CHD9: variants seen among roughly 807,000 people sequenced by gnomAD.
CHD9 encodes ATP-dependent chromatin remodeler CHD9.
CHD9 carries 77 observed loss-of-function variants against 316.1 expected under a neutral mutation model. The ratio of observed to expected loss-of-function variants is 0.24; its 90% CI spans 0.20 to 0.29. The LOEUF (loss-of-function observed/expected upper bound fraction) is 0.29, where lower values mean the gene tolerates loss of function less well. CHD9 is among the 10% of genes least tolerant of loss of function. The probability of loss-of-function intolerance (pLI) is 1.00; values close to 1 mark genes in which losing one functional copy is unlikely to be tolerated. For synonymous variants in CHD9, 1,129 were observed against 1,158.3 expected, an observed-to-expected ratio of 0.97 and a Z score of 0.51; for missense variants, 2,763 against 3,438.1, an observed-to-expected ratio of 0.80 and a Z score of 4.91.
At chr16:53,235,963 C>G (rs981923170) in intron 11 of CHD9, among the ~76,000 whole-genome samples, 2 of 152,002 alleles carry the variant, frequency 1.3e-5, no homozygotes, top group Admixed American at 6.6e-5. Context: ...TTTGATGATA[C>G]TTTTATTCAG....
intron 37 of CHD9, among the ~76,000 whole-genome samples, chr16:53,320,347 C>A (rs893042183): frequency 1.3e-5 from 2 of 152,006 alleles, no homozygotes; most frequent in Non-Finnish European, 2.9e-5. Context: ...CATGGTGAAA[C>A]CCTGTCTCTT....
At position 53,263,013 on chromosome 16, in the gene CHD9, G is replaced by A; in HGVS notation, c.4236G>A (p.Arg1412=). 7 of 1,612,588 alleles carry A rather than the reference G, an allele frequency of 4.3e-6. No individual in the cohort carries two copies. Among genetic ancestry groups the A allele is most frequent in the Non-Finnish European group, 5.9e-6 (7 of 1,179,086 alleles). The change falls in exon 20 of 39, where the codon CGG becomes CGA. Residue 1412 remains arginine (R), a synonymous_variant. Coordinates refer to ENST00000447540, the MANE Select transcript of CHD9 (RefSeq NM_001308319.2). The stretch of plus-strand genomic sequence containing the variant: ...CGAGTTTTGTGGCATCTGGAAACCG[G>A]ACAGATATTTCTTTAGATGATCCCA... The part of the protein sequence containing the change: ...AKASFVASGN[R]TDISLDDPNF...
Position 53,273,697 on chromosome 16 carries a change from C to G in CHD9, c.4789C>G (p.Gln1597Glu). 6.2e-7 allele frequency: 1 copy of G among 1,613,320 alleles called. No individual in the cohort carries two copies. The highest frequency in any genetic ancestry group is 8.5e-7 in the Non-Finnish European group (1 of 1,179,532). Residue 1597 changes from glutamine to glutamate, a missense_variant, in exon 23 of 39, where the codon CAA (glutamine) becomes GAA (glutamate). Gln to Glu is a conservative substitution (Grantham distance 29). This residue lies in a region of CHD9 where 99 missense variants were observed against 131.6 expected (regional missense o/e 0.75). Transcript: ENST00000447540. ...VKTQTSSFDIQKAEWLRKYNP... is the reference protein window; with the variant it reads ...VKTQTSSFDIEKAEWLRKYNP... ...AACTCAAACAAGCTCATTTGATATA[C>G]AAAAAGCAGAATGGCTTCGAAAATA...
Position 53,157,043 on chromosome 16 carries a change from G to A in CHD9, c.954G>A (p.Lys318=), listed in dbSNP as rs61759475. The change falls in exon 2 of 39, where the codon AAG becomes AAA. Residue 318 remains lysine (K), a synonymous_variant. Coordinates refer to ENST00000447540, the MANE Select transcript of CHD9 (RefSeq NM_001308319.2). ...SNSFSPHRGI[K]QESTQHILNP... The stretch of plus-strand genomic sequence containing the variant: ...CCTTTTCACCTCATAGAGGAATCAA[G>A]CAAGAATCTACTCAGCATATCCTAA... 1,945 of 1,612,832 alleles carry A rather than the reference G, an allele frequency of 1.2e-3. 1 individual carries two copies. The highest frequency in any genetic ancestry group is 1.5e-3 in the Non-Finnish European group (1,766 of 1,179,724).
chr16:53,306,428 C>A (rs138135408), intron 32 of CHD9, 31 bp downstream of exon 32: 6 of 1,522,398 alleles, frequency 3.9e-6, no homozygotes, highest in East Asian at 2.4e-5. Context: ...TGGGATAGGT[C>A]ATTTTTTAGT....
intron 1 of CHD9, among the ~76,000 whole-genome samples, chr16:53,142,974 C>G (rs1003983426): frequency 2.6e-5 from 4 of 152,130 alleles, no homozygotes; most frequent in Non-Finnish European, 5.9e-5. Context: ...TAGTAGAAAG[C>G]AGAGGGGCAA....
Position 53,265,407 on chromosome 16 carries a change from A to G in CHD9, c.4321-1887A>G, listed in dbSNP as rs557328762. Among the ~76,000 whole-genome samples the G allele has an allele frequency of 3.3e-5, 5 of 152,294 alleles. No individual in the cohort carries two copies. The South Asian group carries it at 1.0e-3, about 32-fold the overall frequency. On this transcript the variant is annotated intron_variant, in intron 20 of 38. Transcript: ENST00000447540. ...GACATCAAGAACCTTTCTTTAAAAA[A>G]TTAAATTAGTTTAAAAAAATAAAAT...
chr16:53,139,173 T>C (rs2039923635), intron 1 of CHD9, among the ~76,000 whole-genome samples: 1 of 152,144 alleles, frequency 6.6e-6, no homozygotes, highest in Non-Finnish European at 1.5e-5. Flanking sequence ...ATTTAGTGAA[T>C]TTCAGCAGGA....
In CHD9 at chr16:53,193,945, ACTGTTG is replaced by A. The variant is rs1325657092; in HGVS notation, c.1453-15536_1453-15531del. On this transcript the variant is annotated intron_variant, in intron 2 of 38. Coordinates refer to ENST00000447540, the MANE Select transcript of CHD9 (RefSeq NM_001308319.2). ...ATATTACTGTTATAAAACAAATATT[ACTGTTG>A]TAAAATTACGTAGAGTAAAAGTGAT... 5.9e-5 allele frequency among the ~76,000 whole-genome samples: 9 copies of A among 152,352 alleles called. No homozygotes were observed. The East Asian group carries it at 1.7e-3, about 29-fold the overall frequency.
In CHD9 at chr16:53,245,278, G is replaced by A; in HGVS notation, c.3055-58G>A. The A allele has an allele frequency of 7.6e-7, 1 of 1,320,646 alleles. No individual in the cohort carries two copies. The highest frequency in any genetic ancestry group is 1.0e-6 in the Non-Finnish European group (1 of 995,586). 81.8% of individuals were successfully genotyped at this position (1,320,646 alleles called of 1,614,324 possible). On this transcript the variant is annotated intron_variant, in intron 13 of 38. Coordinates refer to ENST00000447540, the MANE Select transcript of CHD9 (RefSeq NM_001308319.2). This position sits in a 1 kb window ranked among gnomAD's most constrained non-coding sequence, Gnocchi z 4.1. Reference sequence around the variant, plus strand: ...ATTGATCATTCGATAATCTAAGTCAGCTTTCATATAATTTTAGTACTGTGA... The same window carrying A: ...ATTGATCATTCGATAATCTAAGTCAACTTTCATATAATTTTAGTACTGTGA...
intron 1 of CHD9, among the ~76,000 whole-genome samples, chr16:53,133,173 A>G (rs2039457989): frequency 6.6e-6 from 1 of 152,110 alleles, no homozygotes; most frequent in African/African-American, 2.4e-5. Context: ...ATTCCTGAAC[A>G]GTTTCAGGTA....
rs2049472920 is a variant in CHD9, at chr16:53,245,204, A to G, written c.3055-132A>G. On this transcript the variant is annotated intron_variant, in intron 13 of 38. Transcript: ENST00000447540. The surrounding 1 kb of genome is among the most constrained non-coding windows in gnomAD (Gnocchi z 4.1). ...AACAAATATATATATATACACACAC[A>G]CACACATAACATATATATATGTATA... is the stretch of plus-strand genomic sequence containing the variant. The G allele has an allele frequency of 1.7e-6, 1 of 596,164 alleles. No individual in the cohort carries two copies. Among genetic ancestry groups the G allele is most frequent in the East Asian group, 3.3e-5 (1 of 30,684 alleles). 36.9% of individuals were successfully genotyped at this position (596,164 alleles called of 1,614,324 possible). A position where few individuals can be genotyped will look rare whatever the true frequency, so the allele number is the denominator to read the frequency against.
intron 12 of CHD9, among the ~76,000 whole-genome samples, chr16:53,241,400 T>C (rs2152948249): frequency 6.6e-6 from 1 of 152,348 alleles, no homozygotes; most frequent in East Asian, 1.9e-4. Flanking sequence ...ATCTCACATA[T>C]TTGATTCATA....
chr16:53,230,389 G>C (rs2152924595), intron 8 of CHD9, among the ~76,000 whole-genome samples: 1 of 152,244 alleles, frequency 6.6e-6, no homozygotes, highest in South Asian at 2.1e-4. Flanking sequence ...GGAGGTCAAG[G>C]TGGGAGGATC....
At chr16:53,205,551 G>A (rs2045830353) in intron 2 of CHD9, among the ~76,000 whole-genome samples, 1 of 152,178 alleles carries the variant, frequency 6.6e-6, no homozygotes, top group African/African-American at 2.4e-5. Flanking sequence ...CATTAAAAAT[G>A]TTCAGTTACT....
rs548046691 is a variant in CHD9 at position 53,325,148 on chromosome 16, G to A, written c.*253G>A. Reference sequence around the variant, plus strand: ...AACAAAAGGCATTATAATTTTGTTGGGGGTTAATTTTATGAAAATTATGCT... The same window carrying A: ...AACAAAAGGCATTATAATTTTGTTGAGGGTTAATTTTATGAAAATTATGCT... On this transcript the variant is annotated 3_prime_UTR_variant, in exon 39 of 39. Coordinates refer to ENST00000447540, the MANE Select transcript of CHD9 (RefSeq NM_001308319.2). 46 of 316,166 alleles carry A rather than the reference G, an allele frequency of 1.5e-4. No individual in the cohort carries two copies. In the South Asian group the frequency reaches 4.0e-3, roughly 27 times the overall value. 19.6% of individuals were successfully genotyped at this position (316,166 alleles called of 1,614,324 possible). A position where few individuals can be genotyped will look rare whatever the true frequency, so the allele number is the denominator to read the frequency against.
At position 53,127,180 on chromosome 16, in the gene CHD9, T is replaced by A. The variant is rs532533724; in HGVS notation, c.-164-28746T>A. 1.5e-3 allele frequency among the ~76,000 whole-genome samples: 234 copies of A among 152,088 alleles called. 1 individual carries two copies. The highest frequency in any genetic ancestry group is 3.1e-3 in the Non-Finnish European group (211 of 68,016). On this transcript the variant is annotated intron_variant, in intron 1 of 38. Coordinates refer to ENST00000447540, the MANE Select transcript of CHD9 (RefSeq NM_001308319.2). ...TTTTACCATATTGCCCAGGCTGGTC[T>A]CAAGCTCCTGGGTTCAAGCAGTCCA...
chr16:53,317,163 CAAAAAAA>C (rs537619212), intron 36 of CHD9, among the ~76,000 whole-genome samples: 5 of 81,764 alleles, frequency 6.1e-5, no homozygotes, highest in Admixed American at 4.7e-4. Flanking sequence ...AACTCCATCT[CAAAAAAA>C]AAAAAAAAAA....
At chr16:53,281,167 C>G (rs183598318) in intron 24 of CHD9, among the ~76,000 whole-genome samples, 59 of 152,258 alleles carry the variant, frequency 3.9e-4, no homozygotes, top group African/African-American at 1.2e-3. Flanking sequence ...TCTCCCAGAA[C>G]TCTTTCTTGA....
Sources: gnomAD v4.1 joint callset for allele counts (sites outside exome capture counted in the v4.1 genomes callset) on GRCh38, gnomAD v4.1.1 for gene constraint, gnomAD v4.1.1 regional missense constraint, Gnocchi (gnomAD v3.1) non-coding constraint, MANE v1.5 for transcripts, NCBI Gene and HGNC (gene_info 2026-07-23, HGNC 2026-07-21) for gene names.